The following WNT5A variants were observed in gnomAD, a reference collection of about 807,000 sequenced individuals.
WNT5A encodes protein Wnt-5a.
Under a neutral mutation model 42.1 loss-of-function variants are expected in WNT5A, and 9 were observed. The ratio of observed to expected loss-of-function variants is 0.21; its 90% CI spans 0.13 to 0.37. The LOEUF is 0.37. WNT5A is among the 10% of genes least tolerant of loss of function. WNT5A has a pLI of 1.00. For synonymous variants in WNT5A, 210 were observed against 210.0 expected (o/e 1.00, Z 0.00); for missense variants, 426 against 534.0 (o/e 0.80, Z 1.99).
the WNT5A span, among the ~76,000 whole-genome samples, chr3:55,504,715 C>T: frequency 5.3e-5 from 8 of 152,330 alleles, no homozygotes; most frequent in Non-Finnish European, 7.4e-5. Context: ...CTGCCCACCT[C>T]GGCCTCCCAA....
the WNT5A span, among the ~76,000 whole-genome samples, chr3:55,503,037 T>C: frequency 1.4e-4 from 22 of 152,358 alleles, no homozygotes; most frequent in East Asian, 4.2e-3. Context: ...CTTGAGTTCA[T>C]GTGTCTTGTG....
chr3:55,484,475 G>A (rs1170312460), intron 1 of WNT5A, among the ~76,000 whole-genome samples: 2 of 152,190 alleles, frequency 1.3e-5, no homozygotes, highest in African/African-American at 4.8e-5. Context: ...AGCGGGGTAG[G>A]GGAGGAGGGA....
At chr3:55,471,803 G>A (rs961455623) in intron 4 of WNT5A, among the ~76,000 whole-genome samples, 3 of 152,200 alleles carry the variant, frequency 2.0e-5, no homozygotes, top group Non-Finnish European at 4.4e-5. Context: ...TCCACGTGGT[G>A]TGAGTGTGCT....
In WNT5A at chr3:55,474,641, G is replaced by A. The variant is rs2051318679; in HGVS notation, c.392-12C>T. 7.4e-7 allele frequency: 1 copy of A among 1,345,718 alleles called. No individual in the cohort carries two copies. Among genetic ancestry groups the A allele is most frequent in the Non-Finnish European group, 9.5e-7 (1 of 1,051,982 alleles). The allele number at this position is 1,345,718 out of a possible 1,614,324, so 83.4% of individuals were successfully genotyped here. On this transcript the variant is annotated splice_polypyrimidine_tract_variant and intron_variant, in intron 3 of 4. Transcript: ENST00000264634. The stretch of plus-strand genomic sequence containing the variant: ...CGTCTCGCGGCTGCCTGTGGGTGAG[G>A]ACAAGGGATCACTGGCCGCCTGCCT...
chr3:55,472,429 A>G (rs1401061528), intron 4 of WNT5A, among the ~76,000 whole-genome samples: 1 of 152,156 alleles, frequency 6.6e-6, no homozygotes, highest in Non-Finnish European at 1.5e-5. Flanking sequence ...TTTTTGAGGC[A>G]TTTCTGATCT....
In WNT5A at chr3:55,470,548, C is replaced by G. The variant is rs370971193; in HGVS notation, c.687G>C (p.Thr229=). 6.5e-7 allele frequency: 1 copy of G among 1,532,634 alleles called. No individual in the cohort carries two copies. The highest frequency in any genetic ancestry group is 2.3e-5 in the East Asian group (1 of 42,688). The allele number at this position is 1,532,634 out of a possible 1,614,324, so 94.9% of individuals were successfully genotyped here. The change falls in exon 5 of 5, where the codon ACG becomes ACC. Residue 229 remains threonine, a splice_region_variant and synonymous_variant. Transcript: ENST00000264634. The part of the protein sequence containing the change: ...NLHNNEAGRR[T]VYNLADVACK... ...AGGCCACATCAGCCAGGTTGTACAC[C>G]GTCTGCAGGGAAATGGGGGCAATCA...
Position 55,470,215 on chromosome 3 carries a change from G to A in WNT5A, c.1020C>T (p.Cys340=), listed in dbSNP as rs1448188113. ...TCTTGAACTGGTCGTAGCCACGGCC[G>A]CAGCACATGAGCTCGCAGCCATCCA... ...EGMDGCELMC[C]GRGYDQFKTV... The change falls in exon 5 of 5, where the codon TGC becomes TGT. Residue 340 remains cysteine, a synonymous_variant. Transcript: ENST00000264634. 8 of 1,614,070 alleles carry A rather than the reference G, an allele frequency of 5.0e-6. No homozygotes were observed. Among genetic ancestry groups the A allele is most frequent in the East Asian group, 4.5e-5 (2 of 44,878 alleles).
intron 3 of WNT5A, among the ~76,000 whole-genome samples, chr3:55,475,941 G>C (rs906748536): frequency 1.6e-4 from 24 of 152,116 alleles, no homozygotes; most frequent in Non-Finnish European, 2.8e-4. Flanking sequence ...GGGTGGGATT[G>C]GGGGGCAGGC....
chr3:55,469,911 A>G lies in WNT5A; in HGVS notation c.*181T>C. 5.1e-6 allele frequency: 3 copies of G among 587,910 alleles called. No homozygotes were observed. Among genetic ancestry groups the G allele is most frequent in the Non-Finnish European group, 8.5e-6 (3 of 352,542 alleles). The allele number at this position is 587,910 out of a possible 1,614,324, so 36.4% of individuals were successfully genotyped here. ...GTTCCCACCCCCATTATTGCCAAAT[A>G]ATAATTATAATATTAATAATAAACC... On this transcript the variant is annotated 3_prime_UTR_variant, in exon 5 of 5. Transcript: ENST00000264634.
chr3:55,480,828 A>C lies in WNT5A; in HGVS notation c.97T>G (p.Phe33Val). 1.3e-6 allele frequency: 2 copies of C among 1,582,124 alleles called. No homozygotes were observed. The highest frequency in any genetic ancestry group is 1.7e-6 in the Non-Finnish European group (2 of 1,162,774). Residue 33 changes from phenylalanine to valine, a missense_variant, in exon 2 of 5, where the codon TTT becomes GTT. Physicochemically the swap from Phe to Val is conservative, Grantham distance 50. Around this residue, in one of 3 missense-constraint regions of WNT5A, gnomAD observed 62 missense variants for 49.0 expected, o/e 1.26. Transcript: ENST00000264634. ...ATTACAACCTGGGCGAAGGAGAAAA[A>C]TATGGCCAAAGCCACTAGGAAGAAC... ...SKFFLVALAI[F>V]FSFAQVVIEA...
chr3:55,480,781 T>C lies in WNT5A; in HGVS notation c.140+4A>G. On this transcript the variant is annotated splice_donor_region_variant and intron_variant, in intron 2 of 4. Coordinates refer to ENST00000264634, the MANE Select transcript of WNT5A (RefSeq NM_003392.7). ...GGAAGAACACGCACATAGAATGAAC[T>C]TACCACCAAGAATTGGCTTCAATTA... 1 of 1,551,954 alleles carries C rather than the reference T, an allele frequency of 6.4e-7. No individual in the cohort carries two copies. The highest frequency in any genetic ancestry group is 8.7e-7 in the Non-Finnish European group (1 of 1,149,786).
chr3:55,474,994 CA>C (rs958741464), intron 3 of WNT5A, among the ~76,000 whole-genome samples: 11 of 151,910 alleles, frequency 7.2e-5, no homozygotes, highest in African/African-American at 2.7e-4. Flanking sequence ...CCTTAACACG[CA>C]CCAGGCCCTG....
the WNT5A span, among the ~76,000 whole-genome samples, chr3:55,500,165 C>T: frequency 6.2e-3 from 942 of 152,174 alleles, 11 homozygotes; most frequent in Admixed American, 0.03. Context: ...CAGTGTTTAC[C>T]ATGAGTTTTT....
upstream of WNT5A, chr3:55,488,084 C>A: frequency 6.6e-6 from 1 of 152,406 alleles, no homozygotes; most frequent in South Asian, 2.1e-4. Context: ...CTCCGGCGGT[C>A]CATGGCCGGC....
intron 1 of WNT5A, among the ~76,000 whole-genome samples, chr3:55,482,905 A>C (rs1206971396): frequency 6.6e-6 from 1 of 151,912 alleles, no homozygotes; most frequent in Non-Finnish European, 1.5e-5. Context: ...ACACATTCAC[A>C]CTCGTGCACA....
rs915256232 is a variant in WNT5A, at chr3:55,469,053, G to A, written c.*1039C>T. The A allele has an allele frequency of 1.3e-5, 2 of 152,258 alleles. No homozygotes were observed. Among genetic ancestry groups the A allele is most frequent in the East Asian group, 3.8e-4 (2 of 5,204 alleles). 9.4% of individuals were successfully genotyped at this position (152,258 alleles called of 1,614,324 possible). A position where few individuals can be genotyped will look rare whatever the true frequency, so the allele number is the denominator to read the frequency against. ...ATCACATCACAACACGGAGGAATCA[G>A]AGAGGGCTCAGTGTGAAGAGGAAGG... On this transcript the variant is annotated 3_prime_UTR_variant, in exon 5 of 5. Coordinates refer to ENST00000264634, the MANE Select transcript of WNT5A (RefSeq NM_003392.7).
chr3:55,472,060 T>A (rs1478201822), intron 4 of WNT5A, among the ~76,000 whole-genome samples: 2 of 152,122 alleles, frequency 1.3e-5, no homozygotes, highest in Non-Finnish European at 2.9e-5. Flanking sequence ...CTAATATGAT[T>A]TTCTGGCACA....
rs777468580 is a variant in WNT5A, at chr3:55,474,520, G to C, written c.501C>G (p.Ala167=). The C allele has an allele frequency of 6.4e-6, 10 of 1,559,580 alleles. No homozygotes were observed. The highest frequency in any genetic ancestry group is 8.7e-6 in the Non-Finnish European group (10 of 1,155,788). ...GELSTCGCSR[A]ARPKDLPRDW... is the part of the protein sequence containing the mutation. ...CCCGCGGCAGGTCCTTGGGGCGCGC[G>C]GCGCGGCTGCAGCCGCAGGTGGACA... Residue 167 remains alanine, a synonymous_variant, in exon 4 of 5, where the codon GCC becomes GCG. Transcript: ENST00000264634.
intron 3 of WNT5A, among the ~76,000 whole-genome samples, chr3:55,476,564 C>G (rs1174705194): frequency 6.6e-6 from 1 of 152,124 alleles, no homozygotes; most frequent in Non-Finnish European, 1.5e-5. Context: ...AGACACTGTC[C>G]TTTGAGTATA....
Sources: gnomAD v4.1 joint callset for allele counts (sites outside exome capture counted in the v4.1 genomes callset) on GRCh38, gnomAD v4.1.1 for gene constraint, gnomAD v4.1.1 regional missense constraint, MANE v1.5 for transcripts, NCBI Gene and HGNC (gene_info 2026-07-23, HGNC 2026-07-21) for gene names.